STK33: variants seen among roughly 807,000 people sequenced by gnomAD.
STK33 encodes serine/threonine-protein kinase 33.
STK33 carries 52 observed loss-of-function variants against 58.0 expected under a neutral mutation model. That is an observed-to-expected ratio of 0.90 (90% CI 0.72 to 1.13). The LOEUF (loss-of-function observed/expected upper bound fraction) is 1.13. Among genes scored for constraint, STK33 ranks in the 50% most tolerant of loss-of-function variants. STK33 has a pLI of 0.00. For missense variants in STK33, 630 were observed against 604.2 expected (o/e 1.04, Z -0.45); for synonymous variants, 215 against 200.1 (o/e 1.07, Z -0.63).
chr11:8,477,671 G>A (rs192740021), intron 2 of STK33, among the ~76,000 whole-genome samples: 351 of 143,556 alleles, frequency 2.4e-3, no homozygotes, highest in African/African-American at 8.4e-3. Context: ...GATAGATTTT[G>A]GGGGATCTAA....
At chr11:8,565,873 T>A (rs1273600120) in intron 1 of STK33, 1 of 152,230 alleles carries the variant, frequency 6.6e-6, no homozygotes, top group African/African-American at 2.4e-5. Flanking sequence ...TTATTACCCA[T>A]CCAAACTTAC....
At chr11:8,535,312 A>C (rs923435555) in intron 1 of STK33, among the ~76,000 whole-genome samples, 2 of 152,166 alleles carry the variant, frequency 1.3e-5, no homozygotes, top group African/African-American at 2.4e-5. Flanking sequence ...CTACACAGCC[A>C]GACCATTACC....
intron 1 of STK33, among the ~76,000 whole-genome samples, chr11:8,489,284 GAAAGA>G (rs1201396887): frequency 2.1e-4 from 25 of 116,522 alleles, no homozygotes; most frequent in Admixed American, 2.0e-3. Flanking sequence ...AAAAAAAAAA[GAAAGA>G]AAAGAAAAGA....
At chr11:8,443,229 C>G (rs184897302) in intron 11 of STK33, among the ~76,000 whole-genome samples, 4 of 152,280 alleles carry the variant, frequency 2.6e-5, no homozygotes, top group Admixed American at 1.3e-4. Context: ...TATGGAAGAT[C>G]TGAATCACAA....
chr11:8,509,730 G>C (rs1235271592), intron 1 of STK33, among the ~76,000 whole-genome samples: 1 of 151,978 alleles, frequency 6.6e-6, no homozygotes, highest in African/African-American at 2.4e-5. Flanking sequence ...TCATAGTTTA[G>C]CTCCCACTTA....
chr11:8,404,032 G>T (rs1007407543), intron 15 of STK33, among the ~76,000 whole-genome samples: 3 of 152,138 alleles, frequency 2.0e-5, no homozygotes, highest in Non-Finnish European at 4.4e-5. Flanking sequence ...CCTGCACAAG[G>T]TCCAAATGAC....
downstream of STK33, among the ~76,000 whole-genome samples, chr11:8,388,893 C>G (rs898786372): frequency 6.6e-6 from 1 of 152,242 alleles, no homozygotes; most frequent in Non-Finnish European, 1.5e-5. Flanking sequence ...CAGCCCCTCC[C>G]CAACCCTTAG....
At position 8,546,620 on chromosome 11, in the gene STK33, A is replaced by C. The variant is rs1295385453; in HGVS notation, c.-466+47463T>G. 2.0e-5 allele frequency among the ~76,000 whole-genome samples: 3 copies of C among 149,626 alleles called. No individual in the cohort carries two copies. The East Asian group carries it at 6.0e-4, about 30-fold the overall frequency. ...ACCCTACCCTGCTCAGCTCCTTGGA[A>C]CCATCAGTCTACTCTCTACTTCCAT... On this transcript the variant is annotated intron_variant, in intron 1 of 15. Transcript: ENST00000687296.
At chr11:8,586,155 T>C (rs1220543250) in intron 1 of STK33, among the ~76,000 whole-genome samples, 1 of 143,140 alleles carries the variant, frequency 7.0e-6, no homozygotes, top group Non-Finnish European at 1.5e-5. Context: ...TGGCAAAGGC[T>C]ACAGTGAGCC....
At chr11:8,337,898 G>A in the STK33 span, among the ~76,000 whole-genome samples, 2 of 152,058 alleles carry the variant, frequency 1.3e-5, no homozygotes, top group African/African-American at 4.8e-5. Flanking sequence ...CAGCTTCTCA[G>A]GGAAACTTTC....
Position 8,447,140 on chromosome 11 carries a change from C to CGTG in STK33, c.871+5679_871+5681dup, listed in dbSNP as rs1298171123. 2.6e-5 allele frequency among the ~76,000 whole-genome samples: 4 copies of CGTG among 151,650 alleles called. No homozygotes were observed. The East Asian group carries it at 7.8e-4, about 29-fold the overall frequency. On this transcript the variant is annotated intron_variant, in intron 11 of 15. Coordinates refer to ENST00000687296, the MANE Select transcript of STK33 (RefSeq NM_001352389.2). ...CAAGAAAAGAACAACCCCATCAAAA[C>CGTG]GTGGGCAAAGGATATGAACAGACAC... is the stretch of plus-strand genomic sequence containing the variant.
At chr11:8,539,112 C>T (rs1338500145) in intron 1 of STK33, among the ~76,000 whole-genome samples, 2 of 151,864 alleles carry the variant, frequency 1.3e-5, no homozygotes, top group African/African-American at 4.8e-5. Context: ...TTTACTATTA[C>T]ACAACCTGTA....
chr11:8,376,154 C>A, the STK33 span, among the ~76,000 whole-genome samples: 1 of 152,224 alleles, frequency 6.6e-6, no homozygotes, highest in East Asian at 1.9e-4. Flanking sequence ...CCAAGCATCA[C>A]TGAGCGACAG....
At chr11:8,342,416 T>C in the STK33 span, among the ~76,000 whole-genome samples, 3 of 152,242 alleles carry the variant, frequency 2.0e-5, no homozygotes, top group Admixed American at 2.0e-4. Context: ...TGGTAAGATG[T>C]CATCTTTAGT....
chr11:8,354,474 T>TCACACAAACACACACACA, the STK33 span, among the ~76,000 whole-genome samples: 1 of 124,680 alleles, frequency 8.0e-6, no homozygotes, highest in Non-Finnish European at 1.6e-5. Context: ...CTGCAAAACC[T>TCACACAAACACACACACA]CACACACACA....
At chr11:8,448,502 T>C (rs1374971145) in intron 11 of STK33, among the ~76,000 whole-genome samples, 1 of 152,174 alleles carries the variant, frequency 6.6e-6, no homozygotes, top group Non-Finnish European at 1.5e-5. Flanking sequence ...ATCTGATCTT[T>C]GACAAACCTG....
chr11:8,385,929 C>T, the STK33 span, among the ~76,000 whole-genome samples: 44 of 152,218 alleles, frequency 2.9e-4, no homozygotes, highest in African/African-American at 8.9e-4. Flanking sequence ...CACCCGCCAC[C>T]ACGCCCGGCT....
At chr11:8,553,193 T>TC (rs1438095512) in intron 1 of STK33, among the ~76,000 whole-genome samples, 8 of 74,136 alleles carry the variant, frequency 1.1e-4, no homozygotes, top group Admixed American at 4.5e-4. Flanking sequence ...TATATATATA[T>TC]ATATGGTGTA....
At chr11:8,395,714 C>G (rs538169041) in intron 15 of STK33, among the ~76,000 whole-genome samples, 63 of 152,316 alleles carry the variant, frequency 4.1e-4, no homozygotes, top group Non-Finnish European at 7.6e-4. Flanking sequence ...CCAGTCTCTT[C>G]ACAATGAACA....
Sources: gnomAD v4.1 joint callset for allele counts (sites outside exome capture counted in the v4.1 genomes callset) on GRCh38, gnomAD v4.1.1 for gene constraint, MANE v1.5 for transcripts, NCBI Gene and HGNC (gene_info 2026-07-23, HGNC 2026-07-21) for gene names.